C6orf62: variants seen among roughly 807,000 people sequenced by gnomAD.
The protein encoded by C6orf62 is chromosome 6 open reading frame 62.
Under a neutral mutation model 26.8 loss-of-function variants are expected in C6orf62, and 16 were observed. The observed-to-expected ratio is 0.60, with a 90% CI of 0.40 to 0.91. The LOEUF (loss-of-function observed/expected upper bound fraction) is 0.91, where lower values mean the gene tolerates loss of function less well. Ranked by LOEUF, C6orf62 falls within the 40% of genes least tolerant of loss-of-function variation. The probability of loss-of-function intolerance (pLI) is 0.00; values close to 1 mark genes in which losing one functional copy is unlikely to be tolerated. For missense variants in C6orf62, 192 were observed against 271.4 expected, an observed-to-expected ratio of 0.71 and a Z score of 2.06; for synonymous variants, 112 against 91.5, an observed-to-expected ratio of 1.22 and a Z score of -1.28.
rs1779289947 is a variant in C6orf62, at chr6:24,718,753, C to G, written c.-85G>C. 1.9e-6 allele frequency: 3 copies of G among 1,578,950 alleles called. No homozygotes were observed. Among genetic ancestry groups the G allele is most frequent in the South Asian group, 2.4e-5 (2 of 84,344 alleles). ...TCTTAAGACTCAAGTACAACAGAAA[C>G]AAGTCATTTTTTTTCCTGCTAATAT... On this transcript the variant is annotated 5_prime_UTR_variant, in exon 1 of 5. Transcript: ENST00000378119.
rs202045794 is a variant in C6orf62, at chr6:24,706,258, G to A, written c.569C>T (p.Pro190Leu). The A allele has an allele frequency of 2.3e-5, 37 of 1,614,022 alleles. No individual in the cohort carries two copies. Among genetic ancestry groups the A allele is most frequent in the Non-Finnish European group, 3.1e-5 (36 of 1,179,984 alleles). Residue 190 changes from proline (P) to leucine (L), a missense_variant, in exon 5 of 5, where the codon CCA becomes CTA. Pro to Leu is a moderately conservative substitution (Grantham distance 98). Transcript: ENST00000378119. Reference sequence around the variant, plus strand: ...CTTGAAGATTGTAGCTTTGTTTTTTGGAGTCTGGAAGGGGAAAACATTTTA... The same window carrying A: ...CTTGAAGATTGTAGCTTTGTTTTTTAGAGTCTGGAAGGGGAAAACATTTTA... ...LFIDRQHLQT[P>L]KNKATIFKLC...
chr6:24,716,830 T>C lies in C6orf62; in HGVS notation c.130-506A>G, dbSNP rs576250169. ...CCTCTGCCTCCTGGGTTCGAGGGGA[T>C]CTCCTGCCTCAGCCTCTCGAGTAGC... On this transcript the variant is annotated intron_variant, in intron 1 of 4. Coordinates refer to ENST00000378119, the MANE Select transcript of C6orf62 (RefSeq NM_030939.5). Among the ~76,000 whole-genome samples, 16 of 152,148 alleles carry C rather than the reference T, an allele frequency of 1.1e-4. No individual in the cohort carries two copies. In the East Asian group the frequency reaches 1.2e-3, roughly 11 times the overall value.
intron 3 of C6orf62, among the ~76,000 whole-genome samples, chr6:24,711,157 G>T (rs1414321020): frequency 6.6e-6 from 1 of 152,184 alleles, no homozygotes. Context: ...AGGTTTGAGT[G>T]AGACTGAAAA....
rs369155220 is a variant in C6orf62, at chr6:24,717,443, C to T, written c.129+1097G>A. On this transcript the variant is annotated intron_variant, in intron 1 of 4. Transcript: ENST00000378119. ...TTCAAAAATTACTTAAAAATCACTT[C>T]ACAATGCTATACTTCAGCAGCTAAG... Among the ~76,000 whole-genome samples the T allele has an allele frequency of 6.0e-4, 91 of 152,342 alleles. No individual in the cohort carries two copies. The South Asian group carries it at 0.017, about 29-fold the overall frequency.
Position 24,710,078 on chromosome 6 carries a change from TATTAA to T in C6orf62, c.430-1172_430-1168del, listed in dbSNP as rs1027340824. On this transcript the variant is annotated intron_variant, in intron 3 of 4. Coordinates refer to ENST00000378119, the MANE Select transcript of C6orf62 (RefSeq NM_030939.5). Reference sequence around the variant, plus strand: ...GAATTGTACTTCCATACAATTCAAATATTAAATTATTAGTATGATCATAAGCATAT... The same window carrying T: ...GAATTGTACTTCCATACAATTCAAATATTATTAGTATGATCATAAGCATAT... 24 of 982,138 alleles carry T rather than the reference TATTAA, an allele frequency of 2.4e-5. No homozygotes were observed. In the Admixed American group the frequency reaches 4.9e-4, roughly 20 times the overall value. 60.8% of individuals were successfully genotyped at this position (982,138 alleles called of 1,614,324 possible). A position where few individuals can be genotyped will look rare whatever the true frequency, so the allele number is the denominator to read the frequency against.
Position 24,718,993 on chromosome 6 carries a change from A to T in C6orf62, c.-325T>A. The stretch of plus-strand genomic sequence containing the variant: ...GAAAACACATTTGGCTTAACTGCCA[A>T]AATAAAGGCTTTGCGGAGAAATGAA... On this transcript the variant is annotated 5_prime_UTR_variant, in exon 1 of 5. The change creates a new upstream start codon in the 5' untranslated region. Coordinates refer to ENST00000378119, the MANE Select transcript of C6orf62 (RefSeq NM_030939.5). 8.8e-7 allele frequency: 1 copy of T among 1,140,712 alleles called. No individual in the cohort carries two copies. The highest frequency in any genetic ancestry group is 1.1e-6 in the Non-Finnish European group (1 of 924,796). The allele number at this position is 1,140,712 out of a possible 1,614,324, so 70.7% of individuals were successfully genotyped here. A position where few individuals can be genotyped will look rare whatever the true frequency, so the allele number is the denominator to read the frequency against.
intron 4 of C6orf62, 141 bp downstream of exon 4, chr6:24,708,636 C>A: frequency 8.8e-7 from 1 of 1,134,000 alleles, no homozygotes; most frequent in Non-Finnish European, 1.3e-6. Context: ...CCATGCCCAG[C>A]CTATTTTTTG....
chr6:24,714,807 C>A (rs1216630523), intron 2 of C6orf62, among the ~76,000 whole-genome samples: 2 of 152,064 alleles, frequency 1.3e-5, no homozygotes, highest in Non-Finnish European at 2.9e-5. Flanking sequence ...TTAATAGAGA[C>A]GGGGTTTCAC....
At chr6:24,707,457 G>A (rs144356609) in intron 4 of C6orf62, among the ~76,000 whole-genome samples, 1 of 151,632 alleles carries the variant, frequency 6.6e-6, no homozygotes, top group Non-Finnish European at 1.5e-5. Flanking sequence ...CTGGGCTCAA[G>A]TGATTCTCCC....
chr6:24,720,318 G>T, upstream of C6orf62: 1 of 1,293,996 alleles, frequency 7.7e-7, no homozygotes, highest in South Asian at 2.4e-5. Flanking sequence ...CTGGTAGCAC[G>T]GGCAGGAGCC....
chr6:24,709,482 C>A, intron 3 of C6orf62: 1 of 951,004 alleles, frequency 1.1e-6, no homozygotes. Flanking sequence ...TGACCGTATG[C>A]AAATCCCTTA....
At chr6:24,707,973 G>A (rs1055162770) in intron 4 of C6orf62, among the ~76,000 whole-genome samples, 10 of 151,560 alleles carry the variant, frequency 6.6e-5, no homozygotes, top group Non-Finnish European at 1.3e-4. Context: ...ATTGCGCCAC[G>A]GCACTCCAGC....
In C6orf62 at chr6:24,716,344, T is replaced by C; in HGVS notation, c.130-20A>G. On this transcript the variant is annotated intron_variant, in intron 1 of 4. Transcript: ENST00000378119. ...TTTCTTCTAGAAGAAAAGAAAATGGTGTATTAACCCACAGGGAGCACAGCC... is the reference window on the plus strand; with the variant it reads ...TTTCTTCTAGAAGAAAAGAAAATGGCGTATTAACCCACAGGGAGCACAGCC... 1.9e-6 allele frequency: 3 copies of C among 1,595,586 alleles called. No individual in the cohort carries two copies. Among genetic ancestry groups the C allele is most frequent in the Non-Finnish European group, 2.6e-6 (3 of 1,164,044 alleles).
At position 24,708,769 on chromosome 6, in the gene C6orf62, C is replaced by A; in HGVS notation, c.564+8G>T. 1.2e-6 allele frequency: 2 copies of A among 1,614,106 alleles called. No homozygotes were observed. Among genetic ancestry groups the A allele is most frequent in the African/African-American group, 2.7e-5 (2 of 75,048 alleles). On this transcript the variant is annotated splice_region_variant and intron_variant, in intron 4 of 4. Transcript: ENST00000378119. Reference sequence around the variant, plus strand: ...AGCCTGTAAGTGGTTTTCAAAAAAGCTGCTTACCTGCAAGTGCTGTCTGTC... The same window carrying A: ...AGCCTGTAAGTGGTTTTCAAAAAAGATGCTTACCTGCAAGTGCTGTCTGTC...
At chr6:24,718,246 T>C (rs1779273002) in intron 1 of C6orf62, among the ~76,000 whole-genome samples, 1 of 152,198 alleles carries the variant, frequency 6.6e-6, no homozygotes, top group Non-Finnish European at 1.5e-5. Context: ...GTTTCCCATG[T>C]TAACTCCATA....
intron 3 of C6orf62, among the ~76,000 whole-genome samples, chr6:24,710,859 G>A (rs184582524): frequency 3.5e-4 from 54 of 152,132 alleles, no homozygotes; most frequent in African/African-American, 1.3e-3. Flanking sequence ...TGGGCATGGG[G>A]TGCACACCTG....
chr6:24,709,060 C>CAAT (rs1402662260), intron 3 of C6orf62, 149 bp from the exon 4 acceptor site: 1 of 1,443,992 alleles, frequency 6.9e-7, no homozygotes, highest in Non-Finnish European at 9.1e-7. Flanking sequence ...AACCCACAGC[C>CAAT]AATAATATCA....
At position 24,711,257 on chromosome 6, in the gene C6orf62, A is replaced by ACACACACAC. The variant is rs1554192457; in HGVS notation, c.430-2347_430-2346insGTGTGTGTG. ...GAAATGGTACACACACACACACACA[A>ACACACACAC]ACACACACACACAACTTCTCATAAG... On this transcript the variant is annotated intron_variant, in intron 3 of 4. Transcript: ENST00000378119. 2.0e-3 allele frequency among the ~76,000 whole-genome samples: 297 copies of ACACACACAC among 151,064 alleles called. 2 individuals carry two copies. Among genetic ancestry groups the ACACACACAC allele is most frequent in the African/African-American group, 5.3e-3 (218 of 40,856 alleles).
At position 24,708,826 on chromosome 6, in the gene C6orf62, T is replaced by C. The variant is rs1241409729; in HGVS notation, c.515A>G (p.Asn172Ser). ...SRKDKTGIVV[N>S]NPNQSVFLFI... ...GAGAAACACTGACTGGTTAGGATTGTTGACAACGATTCCAGTCTTGTCCTT... is the reference window on the plus strand; with the variant it reads ...GAGAAACACTGACTGGTTAGGATTGCTGACAACGATTCCAGTCTTGTCCTT... Residue 172 changes from asparagine to serine, a missense_variant, in exon 4 of 5, where the codon AAC becomes AGC. By Grantham distance (46) the Asn-to-Ser change is conservative. Coordinates refer to ENST00000378119, the MANE Select transcript of C6orf62 (RefSeq NM_030939.5). 6.2e-7 allele frequency: 1 copy of C among 1,614,240 alleles called. No homozygotes were observed. The highest frequency in any genetic ancestry group is 8.5e-7 in the Non-Finnish European group (1 of 1,180,042).
Sources: allele counts gnomAD v4.1 joint callset (sites outside exome capture counted in the v4.1 genomes callset), GRCh38; gene constraint gnomAD v4.1.1; transcripts MANE v1.5; gene names NCBI Gene and HGNC (gene_info 2026-07-23, HGNC 2026-07-21).